Variants in CYBB observed in about 807,000 individuals in gnomAD.
The protein encoded by CYBB is NADPH oxidase 2.
A neutral mutation model predicts 46.5 loss-of-function variants in CYBB; 5 were observed. The observed-to-expected ratio is 0.11, with a 90% confidence interval of 0.06 to 0.23. CYBB has a LOEUF of 0.23. CYBB is among the 10% of genes least tolerant of loss of function. The pLI is 1.00. For synonymous variants in CYBB, 183 were observed against 156.7 expected (o/e 1.17, Z -1.26); for missense variants, 307 against 428.3 (o/e 0.72, Z 2.50).
intron 10 of CYBB, among the ~76,000 whole-genome samples, chrX:37,805,535 T>C (rs34406087): frequency 0.041 from 4,557 of 111,807 alleles, 233 homozygotes; most frequent in African/African-American, 0.14. Flanking sequence ...GTATGTATAA[T>C]TTCATGTCCT....
intron 6 of CYBB, among the ~76,000 whole-genome samples, chrX:37,797,053 C>T (rs782032242): frequency 9.0e-6 from 1 of 111,190 alleles, no homozygotes; most frequent in Admixed American, 9.6e-5. Flanking sequence ...GGGTATAGGG[C>T]TCCAGGAAAT....
At chrX:37,798,912 A>G (rs1281607751) in intron 6 of CYBB, 43 bp from the exon 7 acceptor site, 1 of 1,153,995 alleles carries the variant, frequency 8.7e-7, no homozygotes, top group Admixed American at 2.4e-5. Context: ...AAACAATTTA[A>G]TTTCCTATTA....
chrX:37,800,568 A>G (rs1929415477), intron 7 of CYBB, among the ~76,000 whole-genome samples: 1 of 111,741 alleles, frequency 8.9e-6, no homozygotes, highest in African/African-American at 3.3e-5. Context: ...TAGTTTAGGT[A>G]TTAAACTAGA....
Position 37,795,635 on chromosome X carries a change from T to C in CYBB, c.484-316T>C, listed in dbSNP as rs1434234817. Among the ~76,000 whole-genome samples the C allele has an allele frequency of 5.4e-5, 6 of 111,922 alleles. No individual in the cohort carries two copies. In the Admixed American group the frequency reaches 5.7e-4, roughly 11 times the overall value. ...AGAGCCTTCAGACACTTTTAGGACATCCTGTAGTTGATTGATTTCCTTTAT... is the reference window on the plus strand; with the variant it reads ...AGAGCCTTCAGACACTTTTAGGACACCCTGTAGTTGATTGATTTCCTTTAT... On this transcript the variant is annotated intron_variant, in intron 5 of 12. Transcript: ENST00000378588.
chrX:37,803,819 C>G (rs1414335264), intron 8 of CYBB, 58 bp from the exon 9 acceptor site: 4 of 1,181,442 alleles, frequency 3.4e-6, no homozygotes, highest in African/African-American at 1.8e-5. Flanking sequence ...CATATGGACA[C>G]TAAAAAGGCA....
At position 37,783,554 on chromosome X, in the gene CYBB, T is replaced by G; in HGVS notation, c.206T>G (p.Leu69Trp). The G allele has an allele frequency of 3.3e-6, 4 of 1,209,981 alleles. No homozygotes were observed. Among genetic ancestry groups the G allele is most frequent in the Non-Finnish European group, 4.5e-6 (4 of 893,728 alleles). ...CLNFNCMLIL[L>W]PVCRNLLSFL... ...AATTTCAACTGCATGCTGATTCTCT[T>G]GCCAGTCTGTCGAAATCTGCTGTCC... is the stretch of plus-strand genomic sequence containing the variant. Residue 69 changes from leucine (L) to tryptophan (W), a missense_variant, in exon 3 of 13, where the codon TTG (leucine) becomes TGG (tryptophan). Physicochemically the swap from Leu to Trp is moderately conservative, Grantham distance 61. Coordinates refer to ENST00000378588, the MANE Select transcript of CYBB (RefSeq NM_000397.4).
At chrX:37,798,621 T>C (rs782433283) in intron 6 of CYBB, among the ~76,000 whole-genome samples, 21 of 112,276 alleles carry the variant, frequency 1.9e-4, no homozygotes, top group Non-Finnish European at 3.2e-4. Context: ...AGTCACTCTG[T>C]TAGATTTGCA....
rs1368936343 is a variant in CYBB at position 37,813,169 on chromosome X, C to G, written c.*2252C>G. 1.3e-4 allele frequency: 14 copies of G among 107,617 alleles called. No homozygotes were observed. The highest frequency in any genetic ancestry group is 5.7e-5 in the Non-Finnish European group (3 of 52,297). 8.9% of individuals were successfully genotyped at this position (107,617 alleles called of 1,213,427 possible). A position where few individuals can be genotyped will look rare whatever the true frequency, so the allele number is the denominator to read the frequency against. On this transcript the variant is annotated 3_prime_UTR_variant, in exon 13 of 13. Coordinates refer to ENST00000378588, the MANE Select transcript of CYBB (RefSeq NM_000397.4). ...AGTTTCCTTTTTTATTCTCTCAAGC[C>G]ACCAGCTGCCAGCCACCAGCAGCCA...
Position 37,805,066 on chromosome X carries a change from G to A in CYBB, c.1212G>A (p.Val404=). 8.3e-7 allele frequency: 1 copy of A among 1,211,375 alleles called. No homozygotes were observed. The highest frequency in any genetic ancestry group is 1.1e-6 in the Non-Finnish European group (1 of 894,982). The change falls in exon 10 of 13, where the codon GTG becomes GTA. Residue 404 remains valine, a synonymous_variant. Coordinates refer to ENST00000378588, the MANE Select transcript of CYBB (RefSeq NM_000397.4). ...ASEDVFSYEV[V]MLVGAGIGVT... ...AAGATGTGTTCAGCTATGAGGTGGTGATGTTAGTGGGAGCAGGGATTGGGG... is the reference window on the plus strand; with the variant it reads ...AAGATGTGTTCAGCTATGAGGTGGTAATGTTAGTGGGAGCAGGGATTGGGG...
intron 1 of CYBB, 47 bp downstream of exon 1, chrX:37,780,169 GT>G: frequency 1.8e-6 from 2 of 1,082,099 alleles, no homozygotes; most frequent in Non-Finnish European, 2.6e-6. Context: ...ACTTCTCGGG[GT>G]TATCTTGGAA....
chrX:37,803,916 A>G lies in CYBB; in HGVS notation c.937A>G (p.Lys313Glu), dbSNP rs1556470763. 8.3e-7 allele frequency: 1 copy of G among 1,210,399 alleles called. No homozygotes were observed. The stretch of plus-strand genomic sequence containing the variant: ...TTTCAAAACCATCGAGCTACAGATG[A>G]AGAAGAAGGGGTTCAAAATGGAAGT... Reference protein sequence around the residue: ...HPFKTIELQMKKKGFKMEVGQ... With the variant: ...HPFKTIELQMEKKGFKMEVGQ... The change falls in exon 9 of 13, where the codon AAG (lysine) becomes GAG (glutamate). Residue 313 changes from lysine (K) to glutamate (E), a missense_variant. This residue lies in a region of CYBB where 122 missense variants were observed against 208.3 expected (regional missense o/e 0.59). Coordinates refer to ENST00000378588, the MANE Select transcript of CYBB (RefSeq NM_000397.4).
intron 3 of CYBB, among the ~76,000 whole-genome samples, chrX:37,787,265 T>C (rs1243146933): frequency 8.0e-5 from 9 of 112,272 alleles, no homozygotes; most frequent in African/African-American, 2.9e-4. Flanking sequence ...TTCTGTAGAT[T>C]CAAAGTTGGA....
chrX:37,793,472 G>C (rs1293253045), intron 4 of CYBB, among the ~76,000 whole-genome samples, 193 bp from the exon 5 acceptor site: 1 of 110,377 alleles, frequency 9.1e-6, no homozygotes, highest in Non-Finnish European at 1.9e-5. Context: ...TACACAACTA[G>C]AGAGGATCTT....
rs1438578501 is a variant in CYBB at position 37,793,908 on chromosome X, A to T, written c.483+98A>T. 8 of 867,529 alleles carry T rather than the reference A, an allele frequency of 9.2e-6. No homozygotes were observed. In the East Asian group the frequency reaches 2.5e-4, roughly 27 times the overall value. The allele number at this position is 867,529 out of a possible 1,213,427, so 71.5% of individuals were successfully genotyped here. ...GACCTCTCCTTTGCCAAAAAAAAAA[A>T]AAGTTGGCTAACCATCAGAGGGACA... On this transcript the variant is annotated intron_variant, in intron 5 of 12. Transcript: ENST00000378588.
chrX:37,795,323 A>T (rs1458773666), intron 5 of CYBB, among the ~76,000 whole-genome samples: 1 of 111,543 alleles, frequency 9.0e-6, no homozygotes, highest in Admixed American at 9.5e-5. Flanking sequence ...TTGAGACAGG[A>T]TAAACTCTAA....
At chrX:37,806,876 C>G (rs28498464) in intron 11 of CYBB, among the ~76,000 whole-genome samples, 1 of 104,288 alleles carries the variant, frequency 9.6e-6, no homozygotes, top group Non-Finnish European at 1.9e-5. Flanking sequence ...CTCTGTCTCT[C>G]TGTCTCTCTC....
intron 3 of CYBB, among the ~76,000 whole-genome samples, chrX:37,789,714 TAA>T (rs1401544759): frequency 8.9e-6 from 1 of 111,754 alleles, no homozygotes; most frequent in Non-Finnish European, 1.9e-5. Flanking sequence ...AACAGATCAG[TAA>T]AATGTATTTT....
In CYBB at chrX:37,801,130, T is replaced by A. The variant is rs782770664; in HGVS notation, c.805-126T>A. ...TTCCATTGTAGAAGAAATTTATTTA[T>A]CTAATGTCAAATATTTAAGCAAGCC... is the stretch of plus-strand genomic sequence containing the variant. On this transcript the variant is annotated intron_variant, in intron 7 of 12. Transcript: ENST00000378588. The A allele has an allele frequency of 1.8e-3, 956 of 533,553 alleles. 1 individual carries two copies. The highest frequency in any genetic ancestry group is 2.9e-3 in the Non-Finnish European group (834 of 292,154). The allele number at this position is 533,553 out of a possible 1,213,427, so 44.0% of individuals were successfully genotyped here.
At chrX:37,794,970 A>G (rs1929272415) in intron 5 of CYBB, among the ~76,000 whole-genome samples, 1 of 111,795 alleles carries the variant, frequency 8.9e-6, no homozygotes, top group East Asian at 2.8e-4. Context: ...TCTACAATAT[A>G]TTGGGTAATT....
Sources: gnomAD v4.1 joint callset for allele counts (sites outside exome capture counted in the v4.1 genomes callset) on GRCh38, gnomAD v4.1.1 for gene constraint, gnomAD v4.1.1 regional missense constraint, MANE v1.5 for transcripts, NCBI Gene and HGNC (gene_info 2026-07-23, HGNC 2026-07-21) for gene names.